The following TBC1D8 variants were observed in gnomAD, a reference collection of about 807,000 sequenced individuals.
The protein encoded by TBC1D8 is BUB2-like protein 1.
A neutral mutation model predicts 118.8 loss-of-function variants in TBC1D8; 65 were observed. That is an observed-to-expected ratio of 0.55 (90% CI 0.45 to 0.67). The LOEUF is 0.67. Ranked by LOEUF, TBC1D8 falls within the 30% of genes least tolerant of loss-of-function variation. The probability of loss-of-function intolerance (pLI) is 0.00; values close to 1 mark genes in which losing one functional copy is unlikely to be tolerated. For missense variants in TBC1D8, 1,376 were observed against 1,471.2 expected (o/e 0.94, Z 1.06); for synonymous variants, 566 against 595.8 (o/e 0.95, Z 0.73).
intron 11 of TBC1D8, among the ~76,000 whole-genome samples, chr2:101,031,802 A>G (rs904691552): frequency 6.6e-6 from 1 of 151,962 alleles, no homozygotes; most frequent in Non-Finnish European, 1.5e-5. Context: ...CTCTAATTCC[A>G]TCCCACCTAC....
intron 5 of TBC1D8, among the ~76,000 whole-genome samples, chr2:101,041,237 T>C (rs1681366618): frequency 6.6e-6 from 1 of 152,234 alleles, no homozygotes; most frequent in Non-Finnish European, 1.5e-5. Context: ...CACACGAATG[T>C]TCTTAGCAGC....
intron 1 of TBC1D8, among the ~76,000 whole-genome samples, chr2:101,138,370 A>G (rs988195368): frequency 1.3e-5 from 2 of 152,232 alleles, no homozygotes; most frequent in Non-Finnish European, 2.9e-5. Context: ...TTCCCATACC[A>G]ACCAATTCTC....
intron 6 of TBC1D8, 28 bp downstream of exon 6, chr2:101,040,150 C>T (rs1007102363): frequency 6.9e-6 from 11 of 1,604,884 alleles, no homozygotes; most frequent in East Asian, 2.2e-5. Flanking sequence ...AAGGCTGCTT[C>T]GGGAAGCAGA....
rs1182068794 is a variant in TBC1D8, at chr2:101,088,927, G to C, written c.283+1282C>G. On this transcript the variant is annotated intron_variant, in intron 2 of 19. Coordinates refer to ENST00000409318, the MANE Select transcript of TBC1D8 (RefSeq NM_001330348.2). ...TTGTCATTTTATGCAAATACAGAAT[G>C]ATCTGTCTTAATTAAAAAACAAAAC... 6.6e-5 allele frequency among the ~76,000 whole-genome samples: 10 copies of C among 150,732 alleles called. No homozygotes were observed. In the Admixed American group the frequency reaches 6.7e-4, roughly 10 times the overall value.
At chr2:101,037,066 C>T (rs8179740) in intron 8 of TBC1D8, among the ~76,000 whole-genome samples, 34,648 of 152,130 alleles carry the variant, frequency 0.23, 5,075 homozygotes, top group East Asian at 0.4. Context: ...CTTTACCAGA[C>T]TATACGTGAC....
At chr2:101,023,818 T>C (rs1680184743) in intron 15 of TBC1D8, 1 of 250,468 alleles carries the variant, frequency 4.0e-6, no homozygotes, top group Middle Eastern at 6.0e-4. Flanking sequence ...TTCTTGACCA[T>C]TTCAATGTCC....
chr2:101,143,841 G>A (rs551307244), intron 1 of TBC1D8, among the ~76,000 whole-genome samples: 13 of 152,340 alleles, frequency 8.5e-5, no homozygotes, highest in South Asian at 4.1e-4. Context: ...GACTACAGGC[G>A]TGAGCCCCCT....
chr2:101,127,096 G>A (rs1401966806), intron 1 of TBC1D8, among the ~76,000 whole-genome samples: 2 of 152,124 alleles, frequency 1.3e-5, no homozygotes, highest in Non-Finnish European at 1.5e-5. Flanking sequence ...CAGCACTCTG[G>A]GAGGCCGAGG....
chr2:101,008,391 T>TAA (rs1298279436), intron 19 of TBC1D8, 118 bp from the exon 20 acceptor site: 1 of 801,270 alleles, frequency 1.2e-6, no homozygotes, highest in Non-Finnish European at 1.9e-6. Context: ...ACACAGAATA[T>TAA]AAGAAAAGGT....
chr2:101,034,861 G>A (rs1277026980), intron 9 of TBC1D8, among the ~76,000 whole-genome samples: 3 of 152,230 alleles, frequency 2.0e-5, no homozygotes, highest in East Asian at 1.9e-4. Flanking sequence ...TCAACACTGC[G>A]CCTCTGGAAG....
At chr2:101,127,059 A>G (rs7583411) in intron 1 of TBC1D8, among the ~76,000 whole-genome samples, 72,810 of 152,054 alleles carry the variant, frequency 0.48, 17,582 homozygotes, top group African/African-American at 0.58. Context: ...GCCCCTGGCC[A>G]GGCGCAGTGG....
chr2:101,072,744 A>G (rs2105438004), intron 2 of TBC1D8, among the ~76,000 whole-genome samples: 1 of 152,294 alleles, frequency 6.6e-6, no homozygotes, highest in South Asian at 2.1e-4. Flanking sequence ...AGTAATGTGC[A>G]CTTGCCTGCC....
At chr2:101,048,120 G>C (rs551478450) in intron 5 of TBC1D8, among the ~76,000 whole-genome samples, 12 of 152,164 alleles carry the variant, frequency 7.9e-5, no homozygotes, top group African/African-American at 2.7e-4. Context: ...CACAGGGAGA[G>C]GGGGAGAAGC....
At chr2:101,151,021 C>T (rs567216087) in intron 1 of TBC1D8, 106 bp downstream of exon 1, 3 of 844,952 alleles carry the variant, frequency 3.6e-6, no homozygotes, top group Non-Finnish European at 4.3e-6. Context: ...CCCGCGTCTC[C>T]CAAGAAATCG....
At chr2:101,129,444 A>C (rs1436709711) in intron 1 of TBC1D8, among the ~76,000 whole-genome samples, 1 of 152,060 alleles carries the variant, frequency 6.6e-6, no homozygotes, top group African/African-American at 2.4e-5. Context: ...TCTGGCCCTG[A>C]CCACAGTTTT....
intron 2 of TBC1D8, among the ~76,000 whole-genome samples, chr2:101,061,110 C>A (rs1161407111): frequency 2.7e-5 from 4 of 149,544 alleles, no homozygotes; most frequent in Non-Finnish European, 5.9e-5. Context: ...ATCTGTCGAA[C>A]CTGGGAGGCG....
chr2:101,112,909 GA>G (rs1677669036), intron 1 of TBC1D8, among the ~76,000 whole-genome samples: 2 of 152,180 alleles, frequency 1.3e-5, no homozygotes, highest in South Asian at 4.1e-4. Context: ...AACCCTTGCT[GA>G]AACATTTCTG....
chr2:101,128,707 AAATG>A (rs1678458619), intron 1 of TBC1D8, among the ~76,000 whole-genome samples: 1 of 152,240 alleles, frequency 6.6e-6, no homozygotes, highest in South Asian at 2.1e-4. Flanking sequence ...CTCAATGAAT[AAATG>A]AATGAATTCT....
intron 8 of TBC1D8, 96 bp from the exon 9 acceptor site, chr2:101,036,264 G>T: frequency 7.0e-7 from 1 of 1,423,886 alleles, no homozygotes; most frequent in Non-Finnish European, 9.7e-7. Flanking sequence ...TACTGCCCCT[G>T]CTCTCCGAGG....
Sources: gnomAD v4.1 joint callset for allele counts (sites outside exome capture counted in the v4.1 genomes callset) on GRCh38, gnomAD v4.1.1 for gene constraint, MANE v1.5 for transcripts, NCBI Gene and HGNC (gene_info 2026-07-23, HGNC 2026-07-21) for gene names.